The following BRAT1 variants were observed in gnomAD, a reference collection of about 807,000 sequenced individuals.
BRAT1 encodes the protein integrator complex assembly factor BRAT1.
BRAT1 carries 74 observed loss-of-function variants against 70.6 expected under a neutral mutation model. The ratio of observed to expected loss-of-function variants is 1.05; its 90% CI spans 0.87 to 1.27. BRAT1 has a LOEUF of 1.27. BRAT1 is among the 50% of genes most tolerant of loss of function. The probability of loss-of-function intolerance (pLI) is 0.00; values close to 1 mark genes in which losing one functional copy is unlikely to be tolerated. For missense variants in BRAT1, 1,203 were observed against 1,098.2 expected (o/e 1.10, Z -1.35); for synonymous variants, 615 against 517.1 (o/e 1.19, Z -2.57).
At chr7:2,552,571 AT>A in intron 2 of BRAT1, among the ~76,000 whole-genome samples, 1 of 151,970 alleles carries the variant, frequency 6.6e-6, no homozygotes, top group Non-Finnish European at 1.5e-5. Context: ...AAAAAAAAAA[AT>A]ACAATATAAT....
chr7:2,555,108 G>A (rs1490638418), intron 1 of BRAT1, among the ~76,000 whole-genome samples: 1 of 150,386 alleles, frequency 6.6e-6, no homozygotes, highest in Non-Finnish European at 1.5e-5. Context: ...GGGGAGAGGG[G>A]GGCGGCGGGG....
At chr7:2,546,564 G>C (rs1779622377) in intron 3 of BRAT1, among the ~76,000 whole-genome samples, 2 of 152,102 alleles carry the variant, frequency 1.3e-5, no homozygotes, top group Admixed American at 1.3e-4. Context: ...GTGAAATCCT[G>C]TCTCTACTAA....
intron 13 of BRAT1, 155 bp downstream of exon 13, chr7:2,539,024 C>T: frequency 7.0e-7 from 1 of 1,438,428 alleles, no homozygotes; most frequent in Non-Finnish European, 9.1e-7. Flanking sequence ...CCACACCCAG[C>T]ACAGCCCCAG....
chr7:2,543,631 G>A lies in BRAT1; in HGVS notation c.762C>T (p.Pro254=), dbSNP rs143192367. 209 of 1,536,796 alleles carry A rather than the reference G, an allele frequency of 1.4e-4. 1 individual carries two copies. The East Asian group carries it at 2.0e-3, about 15-fold the overall frequency. ...GCAGGTCCACGAACGAGTGTGCGGC[G>A]GGGATGGGGTCTCTCTCCAGCAGAC... is the stretch of plus-strand genomic sequence containing the variant. ...VACLLERDPI[P]AAHSFVDLLL... is the part of the protein sequence containing the mutation. The change falls in exon 5 of 14, where the codon CCC becomes CCT. Residue 254 remains proline (P), a synonymous_variant. Coordinates refer to ENST00000340611, the MANE Select transcript of BRAT1 (RefSeq NM_152743.4). This position sits in a 1 kb window ranked among gnomAD's most constrained non-coding sequence, Gnocchi z 5.5.
At chr7:2,552,617 C>CA (rs1410734366) in intron 2 of BRAT1, among the ~76,000 whole-genome samples, 1 of 151,142 alleles carries the variant, frequency 6.6e-6, no homozygotes, top group African/African-American at 2.4e-5. Flanking sequence ...CACGGTAAAC[C>CA]AAAAAAAGGA....
rs1362226820 is a variant in BRAT1 at position 2,543,125 on chromosome 7, T to TG, written c.923+78dup. Reference sequence around the variant, plus strand: ...CCTGGTGTCCGGAACTCCCCTGCCATGAGGGCTGCGCTCTCAACCTCCCTG... The same window carrying TG: ...CCTGGTGTCCGGAACTCCCCTGCCATGGAGGGCTGCGCTCTCAACCTCCCTG... On this transcript the variant is annotated intron_variant, in intron 6 of 13. Transcript: ENST00000340611. The surrounding 1 kb of genome is among the most constrained non-coding windows in gnomAD (Gnocchi z 5.5). 1 of 1,465,524 alleles carries TG rather than the reference T, an allele frequency of 6.8e-7. No homozygotes were observed. Among genetic ancestry groups the TG allele is most frequent in the African/African-American group, 1.4e-5 (1 of 69,416 alleles). The allele number at this position is 1,465,524 out of a possible 1,614,324, so 90.8% of individuals were successfully genotyped here.
intron 4 of BRAT1, chr7:2,544,390 C>T (rs759854753): frequency 1.8e-5 from 3 of 168,694 alleles, no homozygotes; most frequent in Non-Finnish European, 3.8e-5. Context: ...CTCGTAGAGA[C>T]AGGGTTTCAC....
Position 2,552,996 on chromosome 7 carries a change from G to A in BRAT1, c.127+1309C>T, listed in dbSNP as rs370676010. Among the ~76,000 whole-genome samples the A allele has an allele frequency of 3.1e-4, 47 of 151,310 alleles. No homozygotes were observed. In the East Asian group the frequency reaches 4.1e-3, roughly 13 times the overall value. Reference sequence around the variant, plus strand: ...CCAGACCTCGTGATCTGCCTGCCTCGGTCTCCCAAAGTGCTGGGATTACAG... The same window carrying A: ...CCAGACCTCGTGATCTGCCTGCCTCAGTCTCCCAAAGTGCTGGGATTACAG... On this transcript the variant is annotated intron_variant, in intron 2 of 13. Coordinates refer to ENST00000340611, the MANE Select transcript of BRAT1 (RefSeq NM_152743.4).
rs761266451 is a variant in BRAT1 at position 2,538,513 on chromosome 7, G to A, written c.2022C>T (p.Pro674=). The part of the protein sequence containing the change: ...QTLGPPRTHC[P]YAVALPEVAP... ...CCACCTCGGGTAGGGCCACGGCATA[G>A]GGGCAGTGGGTACGCGGCGGCCCCA... Residue 674 remains proline (P), a synonymous_variant, in exon 14 of 14, where the codon CCC becomes CCT. Transcript: ENST00000340611. 7.5e-6 allele frequency: 12 copies of A among 1,609,814 alleles called. No homozygotes were observed. In the South Asian group the frequency reaches 1.3e-4, roughly 18 times the overall value.
intron 10 of BRAT1, 79 bp downstream of exon 10, chr7:2,540,900 C>T (rs73049160): frequency 0.018 from 23,849 of 1,352,488 alleles, 234 homozygotes; most frequent in Middle Eastern, 0.021. Context: ...GAGGCCTGCA[C>T]GGGACGGGGT....
chr7:2,542,249 T>C, intron 6 of BRAT1, 38 bp from the exon 7 acceptor site: 3 of 1,512,310 alleles, frequency 2.0e-6, no homozygotes, highest in Non-Finnish European at 2.7e-6. Context: ...CGACCCTGGC[T>C]GCGAGACAAG....
chr7:2,551,711 C>A (rs1780020806), intron 2 of BRAT1, among the ~76,000 whole-genome samples: 2 of 150,856 alleles, frequency 1.3e-5, no homozygotes, highest in Non-Finnish European at 3.0e-5. Flanking sequence ...GAAAAACTGA[C>A]TACTACAAAC....
At chr7:2,542,674 G>C (rs1235514246) in intron 6 of BRAT1, 1 of 191,392 alleles carries the variant, frequency 5.2e-6, no homozygotes, top group Non-Finnish European at 1.1e-5. Flanking sequence ...GGAGACCCCG[G>C]AGCTCAGAGC....
At position 2,555,498 on chromosome 7, in the gene BRAT1, G is replaced by C. The variant is rs117219938; in HGVS notation, c.-28C>G. 0.031 allele frequency: 4,661 copies of C among 152,240 alleles called. 101 individuals carry two copies. Among genetic ancestry groups the C allele is most frequent in the South Asian group, 0.095 (458 of 4,824 alleles). 9.4% of individuals were successfully genotyped at this position (152,240 alleles called of 1,614,324 possible). A position where few individuals can be genotyped will look rare whatever the true frequency, so the allele number is the denominator to read the frequency against. ...CCCACGCGCCTCACCGCTCGGTTGCGTCCTCCGCCGCAACCACCCCTCGCC... is the reference window on the plus strand; with the variant it reads ...CCCACGCGCCTCACCGCTCGGTTGCCTCCTCCGCCGCAACCACCCCTCGCC... On this transcript the variant is annotated 5_prime_UTR_variant, in exon 1 of 14. Coordinates refer to ENST00000340611, the MANE Select transcript of BRAT1 (RefSeq NM_152743.4).
chr7:2,544,050 A>G (rs1583312860), intron 4 of BRAT1, 88 bp from the exon 5 acceptor site: 1 of 875,680 alleles, frequency 1.1e-6, no homozygotes, highest in Non-Finnish European at 1.5e-6. Context: ...AGATACAAAT[A>G]GCAGAGGGCC....
intron 1 of BRAT1, among the ~76,000 whole-genome samples, chr7:2,555,217 G>A (rs1461304171): frequency 1.3e-5 from 2 of 152,094 alleles, no homozygotes; most frequent in African/African-American, 4.8e-5. Flanking sequence ...CTGTCTAACC[G>A]GGGCACCGTC....
At chr7:2,542,513 G>GGGGTGCCCCCAGCCTCCC (rs2128394259) in intron 6 of BRAT1, 1 of 106,612 alleles carries the variant, frequency 9.4e-6, no homozygotes, top group Non-Finnish European at 1.6e-5. Context: ...GGACAGGGAT[G>GGGGTGCCCCCAGCCTCCC]GGGTGCCCCC....
At chr7:2,539,971 T>A (rs1020119858) in intron 10 of BRAT1, 83 bp from the exon 11 acceptor site, 3 of 1,005,270 alleles carry the variant, frequency 3.0e-6, no homozygotes, top group African/African-American at 3.3e-5. Context: ...TCACCTGTGC[T>A]GCCCGTACTC....
At chr7:2,554,575 A>T (rs1780272376) in intron 1 of BRAT1, 128 bp from the exon 2 acceptor site, 4 of 1,162,810 alleles carry the variant, frequency 3.4e-6, no homozygotes, top group Non-Finnish European at 2.3e-6. Context: ...AGACCAGGAG[A>T]ACCATGATCC....
Sources: allele counts gnomAD v4.1 joint callset (sites outside exome capture counted in the v4.1 genomes callset), GRCh38; gene constraint gnomAD v4.1.1; non-coding constraint Gnocchi (gnomAD v3.1); transcripts MANE v1.5; gene names NCBI Gene and HGNC (gene_info 2026-07-23, HGNC 2026-07-21).